The following MEGF11 variants were observed in gnomAD, a reference collection of about 807,000 sequenced individuals.
MEGF11 encodes the protein multiple epidermal growth factor-like domains protein 11.
Under a neutral mutation model 146.6 loss-of-function variants are expected in MEGF11, and 126 were observed. That is an observed-to-expected ratio of 0.86 (90% confidence interval 0.74 to 1.00). The LOEUF (loss-of-function observed/expected upper bound fraction) is 1.00, where lower values mean the gene tolerates loss of function less well. MEGF11 is among the 50% of genes least tolerant of loss of function. The pLI is 0.00. For missense variants in MEGF11, 1,509 were observed against 1,521.2 expected (o/e 0.99, Z 0.13); for synonymous variants, 532 against 583.4 (o/e 0.91, Z 1.27).
intron 1 of MEGF11, among the ~76,000 whole-genome samples, chr15:66,128,750 C>T (rs1283457178): frequency 1.3e-5 from 2 of 152,224 alleles, no homozygotes; most frequent in East Asian, 3.9e-4. Flanking sequence ...ATCCTTGGAC[C>T]CAGGGACCCC....
At chr15:66,219,763 C>T (rs1399013268) in intron 1 of MEGF11, among the ~76,000 whole-genome samples, 3 of 151,982 alleles carry the variant, frequency 2.0e-5, no homozygotes, top group Admixed American at 2.0e-4. Context: ...GAGCATTTAT[C>T]CCAGAGATAA....
intron 4 of MEGF11, among the ~76,000 whole-genome samples, chr15:66,114,805 G>A (rs990448934): frequency 1.3e-5 from 2 of 152,196 alleles, no homozygotes; most frequent in South Asian, 2.1e-4. Flanking sequence ...CCTCTGGTAC[G>A]GATGGTTTCA....
rs927625553 is a variant in MEGF11, at chr15:65,983,866, C to T, written c.395-1378G>A. Among the ~76,000 whole-genome samples the T allele has an allele frequency of 4.6e-5, 7 of 152,276 alleles. No homozygotes were observed. The East Asian group carries it at 5.8e-4, about 13-fold the overall frequency. ...GATACAGTGGCGTTCAAGTGTTGGG[C>T]GTGTACAAGGGTACAAGGTTCCAGT... On this transcript the variant is annotated intron_variant, in intron 5 of 25. Transcript: ENST00000395614.
At chr15:66,058,484 C>T (rs955338622) in intron 5 of MEGF11, among the ~76,000 whole-genome samples, 1 of 152,132 alleles carries the variant, frequency 6.6e-6, no homozygotes, top group Non-Finnish European at 1.5e-5. Context: ...TAACATCTCT[C>T]CAAGGGGTTG....
chr15:66,059,275 C>T (rs2084804749), intron 5 of MEGF11, among the ~76,000 whole-genome samples: 1 of 152,228 alleles, frequency 6.6e-6, no homozygotes, highest in Admixed American at 6.5e-5. Flanking sequence ...TAGCTCTAAC[C>T]TAAGTCTTTG....
intron 1 of MEGF11, among the ~76,000 whole-genome samples, chr15:66,159,159 G>C (rs962843121): frequency 6.6e-6 from 1 of 152,216 alleles, no homozygotes; most frequent in African/African-American, 2.4e-5. Flanking sequence ...TTGTCTCACA[G>C]TTATTGCTGC....
chr15:65,934,014 CCTT>C (rs1267002419), intron 10 of MEGF11, among the ~76,000 whole-genome samples: 5 of 152,144 alleles, frequency 3.3e-5, no homozygotes, highest in Non-Finnish European at 7.3e-5. Context: ...CTTTTTATCA[CCTT>C]CTCTGGGCTG....
intron 1 of MEGF11, among the ~76,000 whole-genome samples, chr15:66,201,459 C>T (rs147502543): frequency 1.3e-5 from 2 of 152,202 alleles, no homozygotes; most frequent in East Asian, 3.9e-4. Flanking sequence ...GGATGAGGCA[C>T]ACGGCACCCA....
In MEGF11 at chr15:66,010,279, G is replaced by A. The variant is rs1490982784; in HGVS notation, c.395-27791C>T. Among the ~76,000 whole-genome samples the A allele has an allele frequency of 3.4e-5, 5 of 147,494 alleles. 1 individual carries two copies. The highest frequency in any genetic ancestry group is 1.3e-4 in the African/African-American group (5 of 39,848). On this transcript the variant is annotated intron_variant, in intron 5 of 25. Transcript: ENST00000395614. ...ATGATCTCGGCTCACTGCAACCTCC[G>A]CCTCCTGGATTCAAGCAATTCTCAT...
At chr15:65,933,262 A>C (rs1176293045) in intron 10 of MEGF11, among the ~76,000 whole-genome samples, 1 of 152,248 alleles carries the variant, frequency 6.6e-6, no homozygotes, top group South Asian at 2.1e-4. Flanking sequence ...AAGATGATAA[A>C]TAGCACATAA....
chr15:66,019,668 G>A (rs1339810352), intron 5 of MEGF11, among the ~76,000 whole-genome samples: 1 of 152,266 alleles, frequency 6.6e-6, no homozygotes. Flanking sequence ...GCTTCGGATG[G>A]AGAATTGGGT....
chr15:65,976,124 C>A (rs1392190703), intron 7 of MEGF11, among the ~76,000 whole-genome samples: 2 of 149,708 alleles, frequency 1.3e-5, no homozygotes, highest in Non-Finnish European at 3.0e-5. Flanking sequence ...CTCACTGCAA[C>A]CTCCACCTCC....
chr15:66,030,463 G>T (rs2083476850), intron 5 of MEGF11, among the ~76,000 whole-genome samples: 1 of 152,168 alleles, frequency 6.6e-6, no homozygotes, highest in African/African-American at 2.4e-5. Flanking sequence ...AGGTTGCAGT[G>T]CAGTGGCATG....
At chr15:65,968,935 C>T (rs187128554) in intron 8 of MEGF11, among the ~76,000 whole-genome samples, 28 of 152,220 alleles carry the variant, frequency 1.8e-4, no homozygotes, top group Non-Finnish European at 2.8e-4. Flanking sequence ...CTGTCACCTA[C>T]GAAATTAATG....
chr15:66,071,547 C>T lies in MEGF11; in HGVS notation c.394+22855G>A, dbSNP rs375449788. Among the ~76,000 whole-genome samples, 25 of 152,318 alleles carry T rather than the reference C, an allele frequency of 1.6e-4. No individual in the cohort carries two copies. The South Asian group carries it at 3.3e-3, about 20-fold the overall frequency. ...AGAATCGCTCATTTCAACGGCAGACCGGCCTGTGTGGCGTGTGCTCTCCCC... is the reference window on the plus strand; with the variant it reads ...AGAATCGCTCATTTCAACGGCAGACTGGCCTGTGTGGCGTGTGCTCTCCCC... On this transcript the variant is annotated intron_variant, in intron 5 of 25. Transcript: ENST00000395614.
At chr15:66,170,377 A>G (rs2090216077) in intron 1 of MEGF11, among the ~76,000 whole-genome samples, 2 of 152,212 alleles carry the variant, frequency 1.3e-5, no homozygotes, top group Admixed American at 1.3e-4. Context: ...CAAGACACTC[A>G]TAGCATGCTC....
intron 5 of MEGF11, among the ~76,000 whole-genome samples, chr15:66,057,121 G>C (rs1024213592): frequency 2.0e-5 from 3 of 152,180 alleles, no homozygotes; most frequent in Admixed American, 1.3e-4. Context: ...ATCATTTCAG[G>C]GGGTGGTGGG....
intron 9 of MEGF11, among the ~76,000 whole-genome samples, chr15:65,959,018 C>T (rs951283031): frequency 9.8e-5 from 15 of 152,330 alleles, no homozygotes; most frequent in East Asian, 7.7e-4. Context: ...CACCTTGCCC[C>T]GCTGGACCAT....
chr15:66,127,790 C>T (rs2088436752), intron 2 of MEGF11, among the ~76,000 whole-genome samples: 1 of 152,022 alleles, frequency 6.6e-6, no homozygotes, highest in Admixed American at 6.6e-5. Flanking sequence ...GCAGCTTTGG[C>T]CACCCTTCCC....
Sources: gnomAD v4.1 joint callset for allele counts (sites outside exome capture counted in the v4.1 genomes callset) on GRCh38, gnomAD v4.1.1 for gene constraint, MANE v1.5 for transcripts, NCBI Gene and HGNC (gene_info 2026-07-23, HGNC 2026-07-21) for gene names.